The following LRRC27 variants were observed in gnomAD, a reference collection of about 807,000 sequenced individuals.
LRRC27 encodes leucine rich repeat containing 27.
A neutral mutation model predicts 55.0 loss-of-function variants in LRRC27; 57 were observed. The ratio of observed to expected loss-of-function variants is 1.04; its 90% CI spans 0.84 to 1.29. LRRC27 has a LOEUF of 1.29. Among genes scored for constraint, LRRC27 ranks in the 50% most tolerant of loss-of-function variants. LRRC27 has a pLI of 0.00. For missense variants in LRRC27, 721 were observed against 651.5 expected (o/e 1.11, Z -1.16); for synonymous variants, 278 against 251.9 (o/e 1.10, Z -0.98).
intron 7 of LRRC27, among the ~76,000 whole-genome samples, chr10:132,354,391 G>A (rs74849121): frequency 8.5e-4 from 130 of 152,294 alleles, no homozygotes; most frequent in Admixed American, 2.6e-3. Context: ...CCCAAGGTGT[G>A]ACCAGAAGAC....
At position 132,380,350 on chromosome 10, in the gene LRRC27, C is replaced by T. The variant is rs114617114; in HGVS notation, c.*5108C>T. ...TAACTGCATGAAATTAACTGCAGTC[C>T]ACAGTGTGCTGCTGGAATAATTACA... On this transcript the variant is annotated 3_prime_UTR_variant, in exon 11 of 11. Transcript: ENST00000368614. Among the ~76,000 whole-genome samples the T allele has an allele frequency of 3.6e-4, 55 of 151,928 alleles. No homozygotes were observed. The highest frequency in any genetic ancestry group is 1.3e-3 in the African/African-American group (54 of 41,368).
In LRRC27 at chr10:132,333,691, G is replaced by A. The variant is rs775491960; in HGVS notation, c.167G>A (p.Gly56Asp). 4.0e-5 allele frequency: 65 copies of A among 1,613,642 alleles called. 1 individual carries two copies. In the South Asian group the frequency reaches 6.7e-4, roughly 17 times the overall value. The change falls in exon 2 of 11, where the codon GGT becomes GAT. Residue 56 changes from glycine (G) to aspartate (D), a missense_variant. Gly to Asp is a moderately conservative substitution (Grantham distance 94). Coordinates refer to ENST00000368614, the MANE Select transcript of LRRC27 (RefSeq NM_030626.3). ...CCGATTTTAGACTTGAGTGAAAGTGGTCTGTGCCGTTTGGAGGAGGTCTTT... is the reference window on the plus strand; with the variant it reads ...CCGATTTTAGACTTGAGTGAAAGTGATCTGTGCCGTTTGGAGGAGGTCTTT... ...SSPILDLSESGLCRLEEVFRI... is the reference protein window; with the variant it reads ...SSPILDLSESDLCRLEEVFRI...
chr10:132,347,895 C>T, intron 5 of LRRC27, 89 bp from the exon 6 acceptor site: 5 of 1,483,924 alleles, frequency 3.4e-6, no homozygotes, highest in Non-Finnish European at 4.5e-6. Context: ...ACCCCACCCC[C>T]CACCATCCAG....
intron 4 of LRRC27, among the ~76,000 whole-genome samples, chr10:132,342,564 C>T (rs1164527934): frequency 6.6e-6 from 1 of 152,218 alleles, no homozygotes; most frequent in African/African-American, 2.4e-5. Context: ...GCAGGCCCTG[C>T]GTGCTGTCTC....
At chr10:132,331,691 C>T, upstream of LRRC27, 1 of 1,612,726 alleles carries the variant, frequency 6.2e-7, no homozygotes, top group Non-Finnish European at 8.5e-7. Context: ...CCTCGAGCAG[C>T]CCCGCCCGCC....
At chr10:132,360,818 T>C (rs1157382937) in intron 8 of LRRC27, among the ~76,000 whole-genome samples, 1 of 152,192 alleles carries the variant, frequency 6.6e-6, no homozygotes, top group Non-Finnish European at 1.5e-5. Flanking sequence ...CAGGGTTCCC[T>C]CCTACCTGTT....
chr10:132,350,170 C>G (rs2067936531), intron 6 of LRRC27, among the ~76,000 whole-genome samples: 1 of 152,118 alleles, frequency 6.6e-6, no homozygotes, highest in Admixed American at 6.5e-5. Context: ...AAAATACTTG[C>G]AAGAAAAGTG....
At chr10:132,369,394 C>T (rs1232018351) in intron 10 of LRRC27, among the ~76,000 whole-genome samples, 1 of 152,166 alleles carries the variant, frequency 6.6e-6, no homozygotes, top group Non-Finnish European at 1.5e-5. Context: ...ACTGGATAAA[C>T]TGGAACATCC....
intron 3 of LRRC27, among the ~76,000 whole-genome samples, chr10:132,340,583 A>G (rs1018437092): frequency 6.6e-6 from 1 of 152,226 alleles, no homozygotes; most frequent in Non-Finnish European, 1.5e-5. Flanking sequence ...GGAGTAAACC[A>G]AAAACAGTGA....
rs1174709087 is a variant in LRRC27, at chr10:132,376,759, G to T, written c.*1517G>T. 3 of 152,296 alleles carry T rather than the reference G, an allele frequency of 2.0e-5. No individual in the cohort carries two copies. In the East Asian group the frequency reaches 5.8e-4, roughly 29 times the overall value. The allele number at this position is 152,296 out of a possible 1,614,324, so 9.4% of individuals were successfully genotyped here. Reference sequence around the variant, plus strand: ...AGAAGAATGTATTTTGAGTTGTTGGGTACATTGTTTTGTGTGTGTCAGGTG... The same window carrying T: ...AGAAGAATGTATTTTGAGTTGTTGGTTACATTGTTTTGTGTGTGTCAGGTG... On this transcript the variant is annotated 3_prime_UTR_variant, in exon 11 of 11. Transcript: ENST00000368614.
rs779675628 is a variant in LRRC27, at chr10:132,376,514, C to G, written c.*1272C>G. 8 of 152,250 alleles carry G rather than the reference C, an allele frequency of 5.3e-5. No individual in the cohort carries two copies. The highest frequency in any genetic ancestry group is 1.0e-4 in the Non-Finnish European group (7 of 68,010). The allele number at this position is 152,250 out of a possible 1,614,324, so 9.4% of individuals were successfully genotyped here. A position where few individuals can be genotyped will look rare whatever the true frequency, so the allele number is the denominator to read the frequency against. ...AGGGCAGGCGTTGGAGCAGCTCAGC[C>G]GGCGTTGCTGGTCAGGGTCTCCCGT... On this transcript the variant is annotated 3_prime_UTR_variant, in exon 11 of 11. Transcript: ENST00000368614.
In LRRC27 at chr10:132,374,367, G is replaced by C. The variant is rs928135013; in HGVS notation, c.1417-699G>C. On this transcript the variant is annotated intron_variant, in intron 10 of 10. Coordinates refer to ENST00000368614, the MANE Select transcript of LRRC27 (RefSeq NM_030626.3). This position sits in a 1 kb window ranked among gnomAD's most constrained non-coding sequence, Gnocchi z 4.4. ...GGCCCAGGGCTCCTGTGCTTGGAGT[G>C]GGGGAGGTTGGGACTCTGCAGAGGG... is the stretch of plus-strand genomic sequence containing the variant. Among the ~76,000 whole-genome samples the C allele has an allele frequency of 6.6e-6, 1 of 152,128 alleles. No individual in the cohort carries two copies. The highest frequency in any genetic ancestry group is 2.4e-5 in the African/African-American group (1 of 41,418).
At chr10:132,334,961 C>G (rs2067042216) in intron 2 of LRRC27, 1 of 152,240 alleles carries the variant, frequency 6.6e-6, no homozygotes, top group Admixed American at 6.5e-5. Context: ...GAGTGGTAGA[C>G]TTTCTGCCGC....
chr10:132,353,110 C>T (rs1005763721), intron 7 of LRRC27: 2 of 1,475,650 alleles, frequency 1.4e-6, no homozygotes, highest in Non-Finnish European at 9.0e-7. Context: ...AGCCACAGCA[C>T]CCCCGTGCCC....
intron 7 of LRRC27, chr10:132,352,951 G>A (rs1363579761): frequency 1.9e-6 from 3 of 1,613,876 alleles, no homozygotes; most frequent in East Asian, 4.5e-5. Flanking sequence ...TCATTCTTGT[G>A]TTGCTGTGAC....
Position 132,374,923 on chromosome 10 carries a change from C to A in LRRC27, c.1417-143C>A. ...CAGGGGGGACCGCGCCGTGATGCGGCTTGCAGGGGCCCCGGGGCAGCGGGG... is the reference window on the plus strand; with the variant it reads ...CAGGGGGGACCGCGCCGTGATGCGGATTGCAGGGGCCCCGGGGCAGCGGGG... On this transcript the variant is annotated intron_variant, in intron 10 of 10. Coordinates refer to ENST00000368614, the MANE Select transcript of LRRC27 (RefSeq NM_030626.3). The surrounding 1 kb of genome is among the most constrained non-coding windows in gnomAD (Gnocchi z 4.4). The A allele has an allele frequency of 1.2e-6, 1 of 851,688 alleles. No homozygotes were observed. Among genetic ancestry groups the A allele is most frequent in the Non-Finnish European group, 1.8e-6 (1 of 558,614 alleles). The allele number at this position is 851,688 out of a possible 1,614,324, so 52.8% of individuals were successfully genotyped here. A position where few individuals can be genotyped will look rare whatever the true frequency, so the allele number is the denominator to read the frequency against.
rs2069318214 is a variant in LRRC27, at chr10:132,375,221, A to G, written c.1572A>G (p.Gly524=). 2.5e-6 allele frequency: 4 copies of G among 1,613,516 alleles called. No individual in the cohort carries two copies. Among genetic ancestry groups the G allele is most frequent in the Non-Finnish European group, 3.4e-6 (4 of 1,179,624 alleles). The change falls in exon 11 of 11, where the codon GGA becomes GGG. Residue 524 remains glycine, a synonymous_variant. Coordinates refer to ENST00000368614, the MANE Select transcript of LRRC27 (RefSeq NM_030626.3). ...TTAACACAAAATATGGAGAATCAGG[A>G]AATGTTCGCAGATACCAGTGACACC... ...TFFNTKYGES[G]NVRRYQ
At chr10:132,334,507 C>G (rs2067022598) in intron 2 of LRRC27, among the ~76,000 whole-genome samples, 1 of 152,226 alleles carries the variant, frequency 6.6e-6, no homozygotes, top group Non-Finnish European at 1.5e-5. Context: ...TCCCAAAGTG[C>G]TGGAATTACA....
upstream of LRRC27, chr10:132,331,580 G>A: frequency 6.2e-7 from 1 of 1,612,916 alleles, no homozygotes; most frequent in Non-Finnish European, 8.5e-7. Flanking sequence ...GCTCCAGGAA[G>A]CCCCAGGAGA....
Sources: gnomAD v4.1 joint callset for allele counts (sites outside exome capture counted in the v4.1 genomes callset) on GRCh38, gnomAD v4.1.1 for gene constraint, Gnocchi (gnomAD v3.1) non-coding constraint, MANE v1.5 for transcripts, NCBI Gene and HGNC (gene_info 2026-07-23, HGNC 2026-07-21) for gene names.